CFTR: variants seen among roughly 807,000 people sequenced by gnomAD.
CFTR encodes CF transmembrane conductance regulator.
A neutral mutation model predicts 171.6 loss-of-function variants in CFTR; 181 were observed. That is an observed-to-expected ratio of 1.05 (90% confidence interval 0.93 to 1.19). CFTR has a LOEUF of 1.19. Ranked by LOEUF, CFTR falls within the 50% of genes most tolerant of loss-of-function variation. The pLI is 0.00. For synonymous variants in CFTR, 583 were observed against 608.0 expected, an observed-to-expected ratio of 0.96 and a Z score of 0.60; for missense variants, 1,968 against 1,734.7, an observed-to-expected ratio of 1.13 and a Z score of -2.39.
In CFTR at chr7:117,559,643, C is replaced by A. The variant is rs121908754; in HGVS notation, c.1572C>A (p.Cys524Ter). 1.9e-6 allele frequency: 3 copies of A among 1,611,678 alleles called. No individual in the cohort carries two copies. The highest frequency in any genetic ancestry group is 2.5e-6 in the Non-Finnish European group (3 of 1,178,372). The stretch of plus-strand genomic sequence containing the variant: ...GATACAGAAGCGTCATCAAAGCATG[C>A]CAACTAGAAGAGGTAAGAAACTATG... ...EYRYRSVIKA[C>*]QLEEDISKFA... Residue 524 changes from cysteine to a stop codon, truncating the protein, a stop_gained, in exon 11 of 27, where the codon TGC becomes TGA. Coordinates refer to ENST00000003084, the MANE Select transcript of CFTR (RefSeq NM_000492.4). LOFTEE classifies it high-confidence loss of function.
chr7:117,548,317 G>T (rs562903634), intron 9 of CFTR, among the ~76,000 whole-genome samples: 1 of 146,278 alleles, frequency 6.8e-6, no homozygotes, highest in Non-Finnish European at 1.5e-5. Context: ...TATGTACCCC[G>T]CTTATAGGAG....
chr7:117,533,510 G>GT (rs1798896773), intron 4 of CFTR, among the ~76,000 whole-genome samples: 1 of 152,124 alleles, frequency 6.6e-6, no homozygotes, highest in Non-Finnish European at 1.5e-5. Flanking sequence ...GAGGCATCAA[G>GT]TACAGTGATT....
chr7:117,598,601 G>A (rs148578433), intron 15 of CFTR, among the ~76,000 whole-genome samples: 22 of 152,292 alleles, frequency 1.4e-4, no homozygotes, highest in South Asian at 2.1e-4. Flanking sequence ...GTATACTACT[G>A]TACCAATAAA....
chr7:117,536,625 C>T lies in CFTR; in HGVS notation c.821C>T (p.Ala274Val), dbSNP rs1235143147. The T allele has an allele frequency of 1.2e-6, 2 of 1,611,180 alleles. No homozygotes were observed. Among genetic ancestry groups the T allele is most frequent in the South Asian group, 1.1e-5 (1 of 90,952 alleles). Residue 274 changes from alanine (A) to valine (V), a missense_variant, in exon 7 of 27, where the codon GCA becomes GTA. Transcript: ENST00000003084. ...ATTGAAAATATCCAATCTGTTAAGG[C>T]ATACTGCTGGGAAGAAGCAATGGAA... ...EMIENIQSVK[A>V]YCWEEAMEKM...
chr7:117,549,106 T>A (rs1023457353), intron 10 of CFTR, among the ~76,000 whole-genome samples: 1 of 152,262 alleles, frequency 6.6e-6, no homozygotes, highest in Non-Finnish European at 1.5e-5. Context: ...ATAACTTTAT[T>A]GAATAAACAA....
chr7:117,483,882 G>C (rs1317297883), intron 1 of CFTR, among the ~76,000 whole-genome samples: 1 of 152,142 alleles, frequency 6.6e-6, no homozygotes, highest in Non-Finnish European at 1.5e-5. Flanking sequence ...TCAGCCTAAA[G>C]ACAGTGCTTA....
chr7:117,558,553 CTAAATAAATAAATAAA>C (rs10655920), intron 10 of CFTR, among the ~76,000 whole-genome samples: 2 of 145,292 alleles, frequency 1.4e-5, no homozygotes, highest in South Asian at 4.5e-4. Flanking sequence ...GACTCTGTCT[CTAAATAAATAAATAAA>C]TAAATAAATA....
In CFTR at chr7:117,480,066, C is replaced by T. The variant is rs780427345; in HGVS notation, c.-29C>T. 3 of 1,613,098 alleles carry T rather than the reference C, an allele frequency of 1.9e-6. No homozygotes were observed. Among genetic ancestry groups the T allele is most frequent in the Non-Finnish European group, 2.5e-6 (3 of 1,179,292 alleles). On this transcript the variant is annotated 5_prime_UTR_variant, in exon 1 of 27. Transcript: ENST00000003084. Reference sequence around the variant, plus strand: ...ATTAGGAGCTTGAGCCCAGACGGCCCTAGCAGGGACCCCAGCGCCCGAGAG... The same window carrying T: ...ATTAGGAGCTTGAGCCCAGACGGCCTTAGCAGGGACCCCAGCGCCCGAGAG...
chr7:117,503,698 T>C (rs1798368092), intron 1 of CFTR, among the ~76,000 whole-genome samples: 1 of 152,176 alleles, frequency 6.6e-6, no homozygotes, highest in Admixed American at 6.5e-5. Flanking sequence ...CAGGTAATGA[T>C]TCAGACATGA....
Position 117,605,470 on chromosome 7 carries a change from C to G in CFTR, c.2909-1204C>G, listed in dbSNP as rs375290714. 2.0e-4 allele frequency among the ~76,000 whole-genome samples: 30 copies of G among 151,992 alleles called. No homozygotes were observed. In the East Asian group the frequency reaches 4.4e-3, roughly 22 times the overall value. On this transcript the variant is annotated intron_variant, in intron 17 of 26. Transcript: ENST00000003084. ...CCACTGACCTCTAGCAATTTATAACCTAGAAAAAGAGTTATGATATGTTTA... is the reference window on the plus strand; with the variant it reads ...CCACTGACCTCTAGCAATTTATAACGTAGAAAAAGAGTTATGATATGTTTA...
At chr7:117,600,752 T>A (rs1792210652) in intron 15 of CFTR, among the ~76,000 whole-genome samples, 1 of 151,972 alleles carries the variant, frequency 6.6e-6, no homozygotes, top group Non-Finnish European at 1.5e-5. Flanking sequence ...AAATGGAAAA[T>A]AAAAATATTT....
Position 117,606,742 on chromosome 7 carries a change from G to T in CFTR, c.2977G>T (p.Asp993Tyr), listed in dbSNP as rs397508468. The T allele has an allele frequency of 6.4e-7, 1 of 1,567,808 alleles. No individual in the cohort carries two copies. Among genetic ancestry groups the T allele is most frequent in the South Asian group, 1.1e-5 (1 of 90,026 alleles). ...TGACCTTCTGCCTCTTACCATATTT[G>T]ACTTCATCCAGGTATGTAAAAATAA... Reference protein sequence around the residue: ...LDDLLPLTIFDFIQLLLIVIG... With the variant: ...LDDLLPLTIFYFIQLLLIVIG... The change falls in exon 18 of 27, where the codon GAC (aspartate) becomes TAC (tyrosine). Residue 993 changes from aspartate (D) to tyrosine (Y), a missense_variant. Coordinates refer to ENST00000003084, the MANE Select transcript of CFTR (RefSeq NM_000492.4).
rs773852510 is a variant in CFTR, at chr7:117,642,487, C to T, written c.3767C>T (p.Ala1256Val). 1.3e-5 allele frequency: 21 copies of T among 1,613,622 alleles called. 1 individual carries two copies. In the South Asian group the frequency reaches 2.2e-4, roughly 17 times the overall value. ...TCAGGGAAGAGTACTTTGTTATCAG[C>T]TTTTTTGAGACTACTGAACACTGAA... ...TGSGKSTLLS[A>V]FLRLLNTEGE... Residue 1256 changes from alanine (A) to valine (V), a missense_variant, in exon 23 of 27, where the codon GCT (alanine) becomes GTT (valine). Coordinates refer to ENST00000003084, the MANE Select transcript of CFTR (RefSeq NM_000492.4).
At chr7:117,555,355 A>G (rs942441126) in intron 10 of CFTR, among the ~76,000 whole-genome samples, 33 of 152,346 alleles carry the variant, frequency 2.2e-4, no homozygotes, top group African/African-American at 7.0e-4. Flanking sequence ...GCATAAAACT[A>G]ATTGTAGTAC....
rs397508201 is a variant in CFTR at position 117,559,462 on chromosome 7, A to G, written c.1393-2A>G. On this transcript the variant is annotated splice_acceptor_variant, in intron 10 of 26. Coordinates refer to ENST00000003084, the MANE Select transcript of CFTR (RefSeq NM_000492.4). LOFTEE classifies it high-confidence loss of function. ...CCTAATAATGATGGGTTTTATTTCC[A>G]GACTTCACTTCTAATGGTGATTATG... is the stretch of plus-strand genomic sequence containing the variant. The G allele has an allele frequency of 3.8e-6, 6 of 1,593,608 alleles. No homozygotes were observed. Among genetic ancestry groups the G allele is most frequent in the African/African-American group, 1.4e-5 (1 of 74,066 alleles).
intron 24 of CFTR, among the ~76,000 whole-genome samples, chr7:117,664,265 T>C (rs1793332524): frequency 6.6e-6 from 1 of 152,216 alleles, no homozygotes. Flanking sequence ...CTATCTTCTG[T>C]CTACATAAGA....
At chr7:117,636,796 C>CT (rs918122969) in intron 22 of CFTR, among the ~76,000 whole-genome samples, 6 of 150,630 alleles carry the variant, frequency 4.0e-5, no homozygotes, top group African/African-American at 1.5e-4. Flanking sequence ...ATGTTGCCTA[C>CT]TTTTTCCATG....
chr7:117,630,189 A>G (rs1230433158), intron 22 of CFTR, among the ~76,000 whole-genome samples: 1 of 152,176 alleles, frequency 6.6e-6, no homozygotes, highest in Non-Finnish European at 1.5e-5. Context: ...TAATTCTATA[A>G]TCTTTATTCT....
rs397508267 is a variant in CFTR, at chr7:117,590,353, A to C, written c.1680A>C (p.Arg560Ser). The C allele has an allele frequency of 1.2e-6, 2 of 1,602,436 alleles. No homozygotes were observed. Among genetic ancestry groups the C allele is most frequent in the South Asian group, 2.2e-5 (2 of 90,906 alleles). ...AATTTAATTTCCATTTTCTTTTTAG[A>C]GCAGTATACAAAGATGCTGATTTGT... ...GGQRARISLA[R>S]AVYKDADLYL... Residue 560 changes from arginine (R) to serine (S), a missense_variant and splice_region_variant, in exon 13 of 27, where the codon AGA becomes AGC. Physicochemically the swap from Arg to Ser is moderately radical, Grantham distance 110. Coordinates refer to ENST00000003084, the MANE Select transcript of CFTR (RefSeq NM_000492.4).
Sources: gnomAD v4.1 joint callset for allele counts (sites outside exome capture counted in the v4.1 genomes callset) on GRCh38, gnomAD v4.1.1 for gene constraint, MANE v1.5 for transcripts, NCBI Gene and HGNC (gene_info 2026-07-23, HGNC 2026-07-21) for gene names.